GAB2: variants seen among roughly 807,000 people sequenced by gnomAD.
The protein encoded by GAB2 is GRB2-associated-binding protein 2.
A neutral mutation model predicts 65.5 loss-of-function variants in GAB2; 26 were observed. The observed-to-expected ratio is 0.40, with a 90% CI of 0.29 to 0.55. The LOEUF (loss-of-function observed/expected upper bound fraction) is 0.55. GAB2 is among the 20% of genes least tolerant of loss of function. The pLI, the probability that GAB2 is intolerant of heterozygous loss-of-function variation, is 0.53. For synonymous variants in GAB2, 321 were observed against 329.6 expected (o/e 0.97, Z 0.28); for missense variants, 884 against 875.8 (o/e 1.01, Z -0.12).
chr11:78,218,016 CCTT>C lies in GAB2; in HGVS notation c.*1253_*1255del, dbSNP rs760830830. ...GCACACCACTCTTGCACGTGTCCCT[CCTT>C]CACTTTCTGCTCCACCCTGCACCCC... On this transcript the variant is annotated 3_prime_UTR_variant, in exon 10 of 10. Coordinates refer to ENST00000361507, the MANE Select transcript of GAB2 (RefSeq NM_080491.3). 2.6e-5 allele frequency: 4 copies of C among 153,018 alleles called. No homozygotes were observed. Among genetic ancestry groups the C allele is most frequent in the South Asian group, 2.1e-4 (1 of 4,872 alleles). The allele number at this position is 153,018 out of a possible 1,614,324, so 9.5% of individuals were successfully genotyped here. A position where few individuals can be genotyped will look rare whatever the true frequency, so the allele number is the denominator to read the frequency against.
At chr11:78,236,825 T>C (rs1864994781) in intron 3 of GAB2, among the ~76,000 whole-genome samples, 1 of 152,228 alleles carries the variant, frequency 6.6e-6, no homozygotes, top group African/African-American at 2.4e-5. Context: ...TAAACACTAC[T>C]TTGTCATGAT....
intron 1 of GAB2, among the ~76,000 whole-genome samples, chr11:78,351,939 G>A (rs770669465): frequency 5.9e-5 from 9 of 152,166 alleles, no homozygotes; most frequent in African/African-American, 7.2e-5. Context: ...CAGGTCGAGC[G>A]CAGTGGCTCA....
At chr11:78,306,292 G>A (rs1379314302) in intron 1 of GAB2, among the ~76,000 whole-genome samples, 1 of 152,028 alleles carries the variant, frequency 6.6e-6, no homozygotes, top group Non-Finnish European at 1.5e-5. Flanking sequence ...GTGCAGTGGT[G>A]CGCCCTTGGC....
chr11:78,354,875 T>C (rs2134709477), intron 1 of GAB2, among the ~76,000 whole-genome samples: 1 of 152,318 alleles, frequency 6.6e-6, no homozygotes, highest in South Asian at 2.1e-4. Flanking sequence ...AGCAGCAGCA[T>C]TACTGGTAAT....
chr11:78,279,435 T>C (rs996507063), intron 2 of GAB2, among the ~76,000 whole-genome samples: 11 of 152,314 alleles, frequency 7.2e-5, no homozygotes, highest in African/African-American at 2.4e-4. Flanking sequence ...CAGAATCACC[T>C]GAGGAACTTT....
intron 1 of GAB2, among the ~76,000 whole-genome samples, chr11:78,383,599 A>AAAAAAAAAT: frequency 6.6e-6 from 1 of 150,552 alleles, no homozygotes; most frequent in African/African-American, 2.4e-5. Context: ...AAAAAAAAAA[A>AAAAAAAAAT]ATACAAAAAT....
At chr11:78,250,115 G>C (rs776336226) in intron 3 of GAB2, 42 bp downstream of exon 3, 1 of 1,604,576 alleles carries the variant, frequency 6.2e-7, no homozygotes, top group Admixed American at 1.7e-5. Context: ...TAGGCCCTGT[G>C]AGCGGTCACT....
intron 1 of GAB2, among the ~76,000 whole-genome samples, chr11:78,387,626 A>C (rs1856784868): frequency 6.6e-6 from 1 of 152,236 alleles, no homozygotes. Flanking sequence ...CAGACTGTAC[A>C]GAGTTAGCAA....
chr11:78,225,278 T>C (rs1864597953), intron 4 of GAB2, 76 bp from the exon 5 acceptor site: 2 of 942,694 alleles, frequency 2.1e-6, no homozygotes, highest in South Asian at 2.7e-5. Context: ...CTCACCAGTG[T>C]GGTTCAAGGT....
intron 1 of GAB2, among the ~76,000 whole-genome samples, chr11:78,284,956 T>G (rs1387398918): frequency 6.6e-6 from 1 of 152,162 alleles, no homozygotes; most frequent in African/African-American, 2.4e-5. Flanking sequence ...ACATAACTGG[T>G]GCCCAATAAG....
chr11:78,351,033 G>A (rs939035159), intron 1 of GAB2, among the ~76,000 whole-genome samples: 2 of 152,200 alleles, frequency 1.3e-5, no homozygotes, highest in Admixed American at 1.3e-4. Flanking sequence ...AAACAGACTC[G>A]CAGGACTTTT....
At chr11:78,242,600 C>A (rs1466226094) in intron 3 of GAB2, among the ~76,000 whole-genome samples, 1 of 151,530 alleles carries the variant, frequency 6.6e-6, no homozygotes, top group Admixed American at 6.6e-5. Context: ...ACAGCAAAAG[C>A]AGTATTAATA....
At chr11:78,322,811 A>C (rs891562501) in intron 1 of GAB2, among the ~76,000 whole-genome samples, 40 of 151,990 alleles carry the variant, frequency 2.6e-4, no homozygotes, top group East Asian at 9.7e-4. Flanking sequence ...AAAAAAAAAA[A>C]AACAACAACA....
At chr11:78,346,446 C>T (rs2134697671) in intron 1 of GAB2, among the ~76,000 whole-genome samples, 1 of 151,938 alleles carries the variant, frequency 6.6e-6, no homozygotes, top group East Asian at 1.9e-4. Flanking sequence ...TCCCATTTTA[C>T]AGAATAGGAA....
intron 3 of GAB2, among the ~76,000 whole-genome samples, chr11:78,236,989 GAT>G (rs1865000015): frequency 6.6e-6 from 1 of 152,218 alleles, no homozygotes; most frequent in East Asian, 1.9e-4. Flanking sequence ...ATTCATGGGG[GAT>G]ATTCTCTGTA....
chr11:78,348,686 G>A (rs1481687970), intron 1 of GAB2, among the ~76,000 whole-genome samples: 1 of 152,194 alleles, frequency 6.6e-6, no homozygotes, highest in South Asian at 2.1e-4. Context: ...AGTTTAACAC[G>A]TATCTACCAT....
chr11:78,233,472 T>C (rs931962536), intron 3 of GAB2, among the ~76,000 whole-genome samples: 3 of 152,224 alleles, frequency 2.0e-5, no homozygotes, highest in Non-Finnish European at 4.4e-5. Flanking sequence ...TGTTGAAGAA[T>C]CTATTCACAT....
intron 3 of GAB2, among the ~76,000 whole-genome samples, chr11:78,241,859 T>G (rs993445098): frequency 1.3e-5 from 2 of 152,212 alleles, no homozygotes; most frequent in Non-Finnish European, 2.9e-5. Flanking sequence ...ATAATCATAG[T>G]TGGAGACTTC....
At chr11:78,319,463 T>G (rs1342718768) in intron 1 of GAB2, among the ~76,000 whole-genome samples, 1 of 152,196 alleles carries the variant, frequency 6.6e-6, no homozygotes, top group East Asian at 1.9e-4. Context: ...CAGTACTAGT[T>G]GGGGAAAAAA....
Sources: gnomAD v4.1 joint callset for allele counts (sites outside exome capture counted in the v4.1 genomes callset) on GRCh38, gnomAD v4.1.1 for gene constraint, MANE v1.5 for transcripts, NCBI Gene and HGNC (gene_info 2026-07-23, HGNC 2026-07-21) for gene names.